SUSD3: variants seen among roughly 807,000 people sequenced by gnomAD.
SUSD3 encodes sushi domain containing 3.
Under a neutral mutation model 20.6 loss-of-function variants are expected in SUSD3, and 18 were observed. The ratio of observed to expected loss-of-function variants is 0.87; its 90% CI spans 0.60 to 1.30. SUSD3 has a LOEUF of 1.30. Ranked by LOEUF, SUSD3 falls within the 50% of genes most tolerant of loss-of-function variation. The pLI, the probability that SUSD3 is intolerant of heterozygous loss-of-function variation, is 0.00. For synonymous variants in SUSD3, 137 were observed against 141.5 expected (o/e 0.97, Z 0.23); for missense variants, 306 against 346.9 (o/e 0.88, Z 0.94).
intron 1 of SUSD3, among the ~76,000 whole-genome samples, chr9:93,060,866 C>T (rs993587691): frequency 4.6e-5 from 7 of 152,204 alleles, no homozygotes; most frequent in African/African-American, 1.2e-4. Flanking sequence ...AAACATAGCA[C>T]GGGGATGTGT....
intron 4 of SUSD3, among the ~76,000 whole-genome samples, chr9:93,082,314 T>TC (rs1455367909): frequency 2.4e-5 from 2 of 83,442 alleles, no homozygotes; most frequent in East Asian, 5.8e-4. Flanking sequence ...TCTTTCCTTT[T>TC]TTTTTTTTTT....
At chr9:93,082,194 G>C (rs1826440319) in intron 4 of SUSD3, among the ~76,000 whole-genome samples, 1 of 152,142 alleles carries the variant, frequency 6.6e-6, no homozygotes, top group African/African-American at 2.4e-5. Flanking sequence ...CAGTGCCATT[G>C]CTGGCATGAG....
chr9:93,079,439 C>T, intron 3 of SUSD3, 32 bp from the exon 4 acceptor site: 1 of 1,611,368 alleles, frequency 6.2e-7, no homozygotes, highest in Non-Finnish European at 8.5e-7. Context: ...CACCTGCATG[C>T]TCAGAGTCCT....
chr9:93,066,687 C>T (rs1180886154), intron 1 of SUSD3, among the ~76,000 whole-genome samples: 1 of 151,676 alleles, frequency 6.6e-6, no homozygotes, highest in African/African-American at 2.4e-5. Flanking sequence ...ATATGTGCTA[C>T]CATCACTCCA....
intron 1 of SUSD3, among the ~76,000 whole-genome samples, chr9:93,069,416 T>C (rs559802367): frequency 6.6e-6 from 1 of 152,358 alleles, no homozygotes; most frequent in South Asian, 2.1e-4. Context: ...ACTACCATAA[T>C]ATGTTGCCAT....
intron 1 of SUSD3, among the ~76,000 whole-genome samples, chr9:93,075,156 C>T (rs1017105641): frequency 6.6e-6 from 1 of 152,140 alleles, no homozygotes; most frequent in Non-Finnish European, 1.5e-5. Flanking sequence ...GACTGTGGGC[C>T]ACTGGTATCC....
chr9:93,078,336 G>A (rs1444139976), intron 3 of SUSD3, among the ~76,000 whole-genome samples: 2 of 152,164 alleles, frequency 1.3e-5, no homozygotes, highest in African/African-American at 4.8e-5. Flanking sequence ...TCAGCTCACT[G>A]CAACCTCCGC....
Position 93,079,500 on chromosome 9 carries a change from A to T in SUSD3, c.455A>T (p.Asp152Val). 6.2e-7 allele frequency: 1 copy of T among 1,614,088 alleles called. No individual in the cohort carries two copies. The highest frequency in any genetic ancestry group is 8.5e-7 in the Non-Finnish European group (1 of 1,179,980). The change falls in exon 4 of 5, where the codon GAT becomes GTT. Residue 152 changes from aspartate (D) to valine (V), a missense_variant. Physicochemically the swap from Asp to Val is radical, Grantham distance 152. Transcript: ENST00000375472. ...RSAQLWSQLK[D>V]EDLETVQAAY... ...GCCCAGCTGTGGTCCCAGCTGAAAG[A>T]TGAGGACTTGGAGACGGTGCAGGCC...
At chr9:93,067,366 A>G (rs983827143) in intron 1 of SUSD3, among the ~76,000 whole-genome samples, 4 of 152,212 alleles carry the variant, frequency 2.6e-5, no homozygotes, top group Non-Finnish European at 5.9e-5. Flanking sequence ...GGCCATTACA[A>G]ATAATGCTGC....
At chr9:93,068,577 T>C (rs1825803336) in intron 1 of SUSD3, among the ~76,000 whole-genome samples, 1 of 152,256 alleles carries the variant, frequency 6.6e-6, no homozygotes, top group Non-Finnish European at 1.5e-5. Context: ...TCTAGCTTTG[T>C]AATACATTTT....
At chr9:93,068,793 A>G (rs1349370381) in intron 1 of SUSD3, among the ~76,000 whole-genome samples, 2 of 152,210 alleles carry the variant, frequency 1.3e-5, no homozygotes, top group African/African-American at 4.8e-5. Context: ...GATACAGTGA[A>G]TATAGTAGAT....
At chr9:93,084,498 C>T in intron 4 of SUSD3, 39 bp from the exon 5 acceptor site, 1 of 1,532,712 alleles carries the variant, frequency 6.5e-7, no homozygotes, top group African/African-American at 1.4e-5. Context: ...TAAACCCTAT[C>T]CACACTCTTT....
At chr9:93,078,132 G>A (rs530504758) in intron 3 of SUSD3, 139 bp downstream of exon 3, 3 of 1,205,220 alleles carry the variant, frequency 2.5e-6, no homozygotes, top group Non-Finnish European at 3.5e-6. Context: ...CTCTGGGCCT[G>A]CGTCTCCCCC....
chr9:93,075,550 T>C (rs56000948), intron 1 of SUSD3, among the ~76,000 whole-genome samples: 41,611 of 151,326 alleles, frequency 0.27, 8,342 homozygotes, highest in African/African-American at 0.57. Flanking sequence ...CTTTTTTTAA[T>C]GCTCCAATCC....
rs980367427 is a variant in SUSD3 at position 93,077,980 on chromosome 9, C to T, written c.412C>T (p.Arg138Trp). 9.9e-6 allele frequency: 16 copies of T among 1,614,194 alleles called. No individual in the cohort carries two copies. The highest frequency in any genetic ancestry group is 8.0e-5 in the African/African-American group (6 of 75,058). ...LLKCVKKSKR[R>W]RSNRSAQLWS... ...CAAGTGCGTGAAGAAGAGCAAGCGG[C>T]GGCGCTCCAACAGGTACGGTGGCCT... Residue 138 changes from arginine (R) to tryptophan (W), a missense_variant, in exon 3 of 5, where the codon CGG becomes TGG. Transcript: ENST00000375472.
chr9:93,071,302 A>G (rs1000181180), intron 1 of SUSD3, among the ~76,000 whole-genome samples: 1 of 152,244 alleles, frequency 6.6e-6, no homozygotes, highest in South Asian at 2.1e-4. Context: ...TAAAACCTCA[A>G]AAGTAGGGAA....
At chr9:93,074,578 A>T (rs944398831) in intron 1 of SUSD3, among the ~76,000 whole-genome samples, 2 of 142,694 alleles carry the variant, frequency 1.4e-5, no homozygotes, top group Non-Finnish European at 3.0e-5. Flanking sequence ...TATGGTTCTG[A>T]GGTGGGCTTC....
At chr9:93,068,381 A>G (rs1010373848) in intron 1 of SUSD3, among the ~76,000 whole-genome samples, 14 of 152,336 alleles carry the variant, frequency 9.2e-5, no homozygotes, top group African/African-American at 2.6e-4. Flanking sequence ...GGTATGAGCT[A>G]GGGGTCCAGC....
intron 1 of SUSD3, among the ~76,000 whole-genome samples, chr9:93,066,311 G>C (rs1825708411): frequency 6.6e-6 from 1 of 152,188 alleles, no homozygotes; most frequent in African/African-American, 2.4e-5. Context: ...TCAGTTCACT[G>C]CAACCTCCAC....
Sources: gnomAD v4.1 joint callset for allele counts (sites outside exome capture counted in the v4.1 genomes callset) on GRCh38, gnomAD v4.1.1 for gene constraint, MANE v1.5 for transcripts, NCBI Gene and HGNC (gene_info 2026-07-23, HGNC 2026-07-21) for gene names.